Variants in FRMD8 observed in about 807,000 individuals in gnomAD.
FRMD8 encodes FERM domain-containing protein 8.
In FRMD8, 37 loss-of-function variants were observed where a neutral mutation model predicts 54.2. The observed-to-expected ratio is 0.68, with a 90% CI of 0.53 to 0.90. The LOEUF (loss-of-function observed/expected upper bound fraction) is 0.90. FRMD8 is among the 40% of genes least tolerant of loss of function. The probability of loss-of-function intolerance (pLI) is 0.00; values close to 1 mark genes in which losing one functional copy is unlikely to be tolerated. For synonymous variants in FRMD8, 246 were observed against 286.9 expected (o/e 0.86, Z 1.44); for missense variants, 585 against 653.7 (o/e 0.89, Z 1.15).
At chr11:65,376,291 G>C in the FRMD8 span, 2 of 1,325,436 alleles carry the variant, frequency 1.5e-6, no homozygotes, top group African/African-American at 1.5e-5. Flanking sequence ...GAGGCACCTT[G>C]GTTAGGAAGG....
Position 65,394,297 on chromosome 11 carries a change from G to C in FRMD8, c.453G>C (p.Glu151Asp), listed in dbSNP as rs1247557625. Residue 151 changes from glutamate to aspartate, a missense_variant, in exon 6 of 11, where the codon GAG becomes GAC. Physicochemically the swap from Glu to Asp is conservative, Grantham distance 45. Transcript: ENST00000317568. The part of the protein sequence containing the change: ...DEEVLRLLYE[E>D]AKGNVLAARY... ...AGGTCCTGCGGCTGCTCTATGAGGA[G>C]GCCAAGGGCAACGTGCTGGCTGCAC... is the stretch of plus-strand genomic sequence containing the variant. 1 of 1,595,702 alleles carries C rather than the reference G, an allele frequency of 6.3e-7. No individual in the cohort carries two copies. The highest frequency in any genetic ancestry group is 1.7e-5 in the Admixed American group (1 of 57,462).
In FRMD8 at chr11:65,412,243, C is replaced by G. The variant is rs1036753815; in HGVS notation, c.*883C>G. On this transcript the variant is annotated 3_prime_UTR_variant, in exon 11 of 11. Coordinates refer to ENST00000317568, the MANE Select transcript of FRMD8 (RefSeq NM_031904.5). ...CCAAGCAGCTCCCCTAGGGGACTGA[C>G]CGGACCTGACCTCCCCTCCCTGTGT... 1 of 152,372 alleles carries G rather than the reference C, an allele frequency of 6.6e-6. No homozygotes were observed. The highest frequency in any genetic ancestry group is 2.4e-5 in the African/African-American group (1 of 41,446). 9.4% of individuals were successfully genotyped at this position (152,372 alleles called of 1,614,324 possible).
At position 65,386,807 on chromosome 11, in the gene FRMD8, G is replaced by C. The variant is rs573527633; in HGVS notation, c.-1+46G>C. 1.8e-3 allele frequency: 999 copies of C among 547,288 alleles called. 11 individuals are homozygous for C. Among genetic ancestry groups the C allele is most frequent in the African/African-American group, 0.018 (926 of 51,394 alleles). 33.9% of individuals were successfully genotyped at this position (547,288 alleles called of 1,614,324 possible). On this transcript the variant is annotated intron_variant, in intron 1 of 10. Transcript: ENST00000317568. The stretch of plus-strand genomic sequence containing the variant: ...GGCCCGGGCCTCCGTCCCCGGCTGG[G>C]CGTGCGCCTTGCCCTGCCTGGGCAT...
At position 65,394,232 on chromosome 11, in the gene FRMD8, G is replaced by A. The variant is rs781760421; in HGVS notation, c.415-27G>A. 100 of 1,594,074 alleles carry A rather than the reference G, an allele frequency of 6.3e-5. 1 individual carries two copies. The highest frequency in any genetic ancestry group is 7.1e-5 in the Non-Finnish European group (83 of 1,170,946). On this transcript the variant is annotated intron_variant, in intron 5 of 10. Transcript: ENST00000317568. ...TCTCCCTGCCCCAGCCCAGCTGAGC[G>A]GCTGTCCCTGCCACACCCCCCTGCA...
At position 65,387,132 on chromosome 11, in the gene FRMD8, C is replaced by T. The variant is rs771144414; in HGVS notation, c.85+11C>T. Reference sequence around the variant, plus strand: ...CCGTGGGAGCCCGAGGTGGGTCCCACCCGCATCTCCTCTTCCACACCCTCC... The same window carrying T: ...CCGTGGGAGCCCGAGGTGGGTCCCATCCGCATCTCCTCTTCCACACCCTCC... On this transcript the variant is annotated intron_variant, in intron 2 of 10. Transcript: ENST00000317568. 8.7e-6 allele frequency: 14 copies of T among 1,601,260 alleles called. No homozygotes were observed. The highest frequency in any genetic ancestry group is 1.7e-5 in the Admixed American group (1 of 59,998).
intron 10 of FRMD8, among the ~76,000 whole-genome samples, 195 bp from the exon 11 acceptor site, chr11:65,411,047 C>T (rs753607196): frequency 1.7e-4 from 26 of 152,274 alleles, no homozygotes; most frequent in Admixed American, 3.9e-4. Flanking sequence ...GACCTTAGGT[C>T]GGCAGTGTTA....
At chr11:65,372,648 A>T in the FRMD8 span, among the ~76,000 whole-genome samples, 2 of 152,142 alleles carry the variant, frequency 1.3e-5, no homozygotes, top group Non-Finnish European at 2.9e-5. Flanking sequence ...GAGGTTTAAT[A>T]GGCAAAGGGA....
chr11:65,408,557 A>G (rs887276219), intron 10 of FRMD8, among the ~76,000 whole-genome samples: 1 of 151,812 alleles, frequency 6.6e-6, no homozygotes, highest in Non-Finnish European at 1.5e-5. Flanking sequence ...CCTTCCTTAG[A>G]ATCTGAAATG....
At chr11:65,385,371 A>G (rs1017515041), upstream of FRMD8, among the ~76,000 whole-genome samples, 2 of 151,804 alleles carry the variant, frequency 1.3e-5, no homozygotes, top group African/African-American at 2.4e-5. Flanking sequence ...GGATCATAGG[A>G]GGGCAGGCAG....
At chr11:65,373,200 G>A in the FRMD8 span, among the ~76,000 whole-genome samples, 4 of 152,054 alleles carry the variant, frequency 2.6e-5, no homozygotes, top group Admixed American at 6.6e-5. Flanking sequence ...TCGTGCCACC[G>A]CACCCCAGCC....
chr11:65,403,584 T>G (rs1489623617), intron 9 of FRMD8, among the ~76,000 whole-genome samples: 1 of 152,158 alleles, frequency 6.6e-6, no homozygotes, highest in Non-Finnish European at 1.5e-5. Context: ...TGCCTGACAG[T>G]GCTTCTGACC....
chr11:65,393,764 A>G, intron 4 of FRMD8, 90 bp downstream of exon 4: 1 of 1,147,040 alleles, frequency 8.7e-7, no homozygotes, highest in Non-Finnish European at 1.3e-6. Flanking sequence ...GCCAGCAAGG[A>G]GCTGCCCTGG....
intron 10 of FRMD8, among the ~76,000 whole-genome samples, chr11:65,409,193 C>A (rs1047532695): frequency 6.6e-6 from 1 of 152,050 alleles, no homozygotes; most frequent in African/African-American, 2.4e-5. Flanking sequence ...TCAAGTGATT[C>A]TCCCTGCCTC....
chr11:65,401,135 G>C (rs373308740), intron 9 of FRMD8, among the ~76,000 whole-genome samples: 7 of 152,044 alleles, frequency 4.6e-5, no homozygotes, highest in Admixed American at 1.3e-4. Flanking sequence ...CTTGCTGAGT[G>C]CTTTGAGACC....
the FRMD8 span, among the ~76,000 whole-genome samples, chr11:65,373,469 G>A: frequency 6.6e-6 from 1 of 152,244 alleles, no homozygotes; most frequent in Non-Finnish European, 1.5e-5. Context: ...ACTTTAGCAT[G>A]TGTAGAAATC....
At chr11:65,402,961 G>A (rs139997274) in intron 9 of FRMD8, among the ~76,000 whole-genome samples, 238 of 152,074 alleles carry the variant, frequency 1.6e-3, no homozygotes, top group African/African-American at 5.3e-3. Context: ...GTGCAGTGGC[G>A]CAATCATAGC....
Position 65,394,254 on chromosome 11 carries a change from T to C in FRMD8, c.415-5T>C. 6.2e-7 allele frequency: 1 copy of C among 1,600,018 alleles called. No individual in the cohort carries two copies. Among genetic ancestry groups the C allele is most frequent in the Non-Finnish European group, 8.5e-7 (1 of 1,173,588 alleles). ...AGCGGCTGTCCCTGCCACACCCCCC[T>C]GCAGATCCATGACGAGGAGGTCCTG... On this transcript the variant is annotated splice_polypyrimidine_tract_variant and splice_region_variant and intron_variant, in intron 5 of 10. Coordinates refer to ENST00000317568, the MANE Select transcript of FRMD8 (RefSeq NM_031904.5).
chr11:65,394,552 C>T (rs1186878919), intron 6 of FRMD8, 127 bp downstream of exon 6: 13 of 1,148,942 alleles, frequency 1.1e-5, no homozygotes, highest in East Asian at 5.2e-5. Context: ...GCCTCAGCCC[C>T]GCAGGCTCAC....
chr11:65,380,108 C>A, the FRMD8 span: 1 of 1,609,692 alleles, frequency 6.2e-7, no homozygotes, highest in South Asian at 1.1e-5. Flanking sequence ...TCTTTCATTC[C>A]TCTGGCAGCT....
Sources: gnomAD v4.1 joint callset for allele counts (sites outside exome capture counted in the v4.1 genomes callset) on GRCh38, gnomAD v4.1.1 for gene constraint, MANE v1.5 for transcripts, NCBI Gene and HGNC (gene_info 2026-07-23, HGNC 2026-07-21) for gene names.